Variants in CNKSR3 observed in about 807,000 individuals in gnomAD.
CNKSR3 encodes the protein connector enhancer of kinase suppressor of ras 3.
Under a neutral mutation model 67.7 loss-of-function variants are expected in CNKSR3, and 36 were observed. The observed-to-expected ratio is 0.53, with a 90% confidence interval of 0.41 to 0.70. CNKSR3 has a LOEUF of 0.70. CNKSR3 is among the 30% of genes least tolerant of loss of function. CNKSR3 has a pLI of 0.00. For synonymous variants in CNKSR3, 281 were observed against 271.4 expected, an observed-to-expected ratio of 1.04 and a Z score of -0.35; for missense variants, 630 against 695.2, an observed-to-expected ratio of 0.91 and a Z score of 1.05.
chr6:154,421,299 C>T (rs1785138742), intron 9 of CNKSR3, among the ~76,000 whole-genome samples: 1 of 152,228 alleles, frequency 6.6e-6, no homozygotes, highest in Admixed American at 6.5e-5. Flanking sequence ...CCGGCGTGAG[C>T]CACCACACTC....
At position 154,400,874 on chromosome 6, in the gene CNKSR3, A is replaced by C. The variant is rs1262713633; in HGVS notation, c.*5480T>G. ...ATTGTGAAATTTCCAAATAATTAAA[A>C]GGTAAATTTTACAGTAAAGAGACTA... On this transcript the variant is annotated 3_prime_UTR_variant, in exon 13 of 13. Coordinates refer to ENST00000607772, the MANE Select transcript of CNKSR3 (RefSeq NM_173515.4). The C allele has an allele frequency of 6.6e-6, 1 of 152,252 alleles. No individual in the cohort carries two copies. The highest frequency in any genetic ancestry group is 1.5e-5 in the Non-Finnish European group (1 of 68,040). 9.4% of individuals were successfully genotyped at this position (152,252 alleles called of 1,614,324 possible). A position where few individuals can be genotyped will look rare whatever the true frequency, so the allele number is the denominator to read the frequency against.
intron 1 of CNKSR3, among the ~76,000 whole-genome samples, chr6:154,462,984 T>A (rs1786113703): frequency 6.6e-6 from 1 of 152,186 alleles, no homozygotes; most frequent in African/African-American, 2.4e-5. Context: ...AAAGTCCAGC[T>A]GAGGTTGAAG....
In CNKSR3 at chr6:154,414,351, C is replaced by G; in HGVS notation, c.1018G>C (p.Ala340Pro). Reference sequence around the variant, plus strand: ...GGAGGAATATAAAGATCCAGGATGGCTGACTTCTCCTTCTTCAGTGAGGTA... The same window carrying G: ...GGAGGAATATAAAGATCCAGGATGGGTGACTTCTCCTTCTTCAGTGAGGTA... ...MDTSLKKEKS[A>P]ILDLYIPPPP... Residue 340 changes from alanine (A) to proline (P), a missense_variant, in exon 10 of 13, where the codon GCC becomes CCC. By Grantham distance (27) the Ala-to-Pro change is conservative. Transcript: ENST00000607772. 6.2e-7 allele frequency: 1 copy of G among 1,612,106 alleles called. No individual in the cohort carries two copies. Among genetic ancestry groups the G allele is most frequent in the Non-Finnish European group, 8.5e-7 (1 of 1,179,284 alleles).
intron 1 of CNKSR3, among the ~76,000 whole-genome samples, chr6:154,480,550 C>A (rs751909028): frequency 6.6e-6 from 1 of 152,076 alleles, no homozygotes; most frequent in Non-Finnish European, 1.5e-5. Context: ...ATTCTCCATG[C>A]GATTAAATTA....
At chr6:154,461,895 A>G (rs1317966729) in intron 1 of CNKSR3, among the ~76,000 whole-genome samples, 1 of 152,142 alleles carries the variant, frequency 6.6e-6, no homozygotes, top group Non-Finnish European at 1.5e-5. Flanking sequence ...CAGGAATCTC[A>G]TATTATCCGC....
chr6:154,480,010 G>A (rs1449130338), intron 1 of CNKSR3, among the ~76,000 whole-genome samples: 2 of 152,194 alleles, frequency 1.3e-5, no homozygotes, highest in African/African-American at 4.8e-5. Flanking sequence ...ATAAATCACA[G>A]AATGGCTGTA....
chr6:154,505,718 T>A (rs6911221), intron 1 of CNKSR3, among the ~76,000 whole-genome samples: 32,547 of 149,328 alleles, frequency 0.22, 4,553 homozygotes, highest in East Asian at 0.55. Flanking sequence ...GTCAGGATGG[T>A]CTCGATCTCC....
At chr6:154,474,710 T>G (rs1253021497) in intron 1 of CNKSR3, among the ~76,000 whole-genome samples, 1 of 151,884 alleles carries the variant, frequency 6.6e-6, no homozygotes, top group Non-Finnish European at 1.5e-5. Context: ...GAGAAAGAAA[T>G]GGACAGGATG....
Position 154,510,181 on chromosome 6 carries a change from T to C in CNKSR3, c.-67A>G. The C allele has an allele frequency of 6.3e-7, 1 of 1,588,854 alleles. No homozygotes were observed. Among genetic ancestry groups the C allele is most frequent in the South Asian group, 1.1e-5 (1 of 90,496 alleles). The stretch of plus-strand genomic sequence containing the variant: ...TAAAGTGCTGCTGCCTGCGCTCCGG[T>C]GCCCCTTCCCGGGAGGGCGCGCCCG... On this transcript the variant is annotated 5_prime_UTR_variant, in exon 1 of 13. Transcript: ENST00000607772.
At position 154,388,502 on chromosome 6, in the gene CNKSR3, G is replaced by A. The variant is rs1487925212; in HGVS notation, c.*17852C>T. Reference sequence around the variant, plus strand: ...AATGCTAATACCTCTTTGGGATCCTGATTTCAATTTTTTTGGATAAATATC... The same window carrying A: ...AATGCTAATACCTCTTTGGGATCCTAATTTCAATTTTTTTGGATAAATATC... On this transcript the variant is annotated 3_prime_UTR_variant, in exon 13 of 13. Coordinates refer to ENST00000607772, the MANE Select transcript of CNKSR3 (RefSeq NM_173515.4). 1 of 152,146 alleles carries A rather than the reference G, an allele frequency of 6.6e-6. No homozygotes were observed. The highest frequency in any genetic ancestry group is 1.5e-5 in the Non-Finnish European group (1 of 68,018). 9.4% of individuals were successfully genotyped at this position (152,146 alleles called of 1,614,324 possible). A position where few individuals can be genotyped will look rare whatever the true frequency, so the allele number is the denominator to read the frequency against.
At chr6:154,504,948 T>C (rs1582908901) in intron 1 of CNKSR3, among the ~76,000 whole-genome samples, 1 of 151,658 alleles carries the variant, frequency 6.6e-6, no homozygotes, top group African/African-American at 2.4e-5. Flanking sequence ...GTTTTTCTGT[T>C]ATTAAGAGAA....
At chr6:154,469,467 A>G (rs1017462622) in intron 1 of CNKSR3, among the ~76,000 whole-genome samples, 1 of 152,202 alleles carries the variant, frequency 6.6e-6, no homozygotes, top group Non-Finnish European at 1.5e-5. Flanking sequence ...GTCAGCCTAC[A>G]ATAGGATTTT....
intron 4 of CNKSR3, among the ~76,000 whole-genome samples, chr6:154,437,477 G>A (rs888768441): frequency 2.0e-4 from 29 of 147,478 alleles, no homozygotes; most frequent in African/African-American, 7.1e-4. Context: ...GAAGTGGCGC[G>A]ATCTTGGCTG....
At chr6:154,458,898 A>G (rs1786016756) in intron 1 of CNKSR3, among the ~76,000 whole-genome samples, 1 of 152,142 alleles carries the variant, frequency 6.6e-6, no homozygotes, top group African/African-American at 2.4e-5. Context: ...CTGGATTGGA[A>G]AGCTGCCGTG....
intron 1 of CNKSR3, among the ~76,000 whole-genome samples, chr6:154,461,409 T>C (rs555967283): frequency 6.6e-6 from 1 of 152,326 alleles, no homozygotes; most frequent in East Asian, 1.9e-4. Context: ...AATTTATAGT[T>C]GCTGTTCAAG....
chr6:154,444,308 G>A (rs148397632), intron 2 of CNKSR3, among the ~76,000 whole-genome samples: 5 of 152,230 alleles, frequency 3.3e-5, no homozygotes, highest in East Asian at 1.9e-4. Flanking sequence ...CTAATTTGCC[G>A]GTAAGGAAAC....
At chr6:154,497,440 GCTCACTGCTGCCTCC>G (rs760027119) in intron 1 of CNKSR3, among the ~76,000 whole-genome samples, 2 of 152,118 alleles carry the variant, frequency 1.3e-5, no homozygotes, top group Admixed American at 6.5e-5. Flanking sequence ...CATGTCAGCT[GCTCACTGCTGCCTCC>G]CTACTAAATT....
intron 1 of CNKSR3, among the ~76,000 whole-genome samples, chr6:154,487,246 G>GA (rs201823294): frequency 4.7e-4 from 72 of 152,292 alleles, no homozygotes; most frequent in African/African-American, 1.7e-3. Flanking sequence ...TGGAAGATGT[G>GA]ATTTTTTTTT....
At chr6:154,489,253 G>T (rs1786735392) in intron 1 of CNKSR3, among the ~76,000 whole-genome samples, 5 of 152,128 alleles carry the variant, frequency 3.3e-5, no homozygotes, top group Admixed American at 3.3e-4. Flanking sequence ...TATTGCTGCT[G>T]GGCACGATGA....
Sources: gnomAD v4.1 joint callset for allele counts (sites outside exome capture counted in the v4.1 genomes callset) on GRCh38, gnomAD v4.1.1 for gene constraint, MANE v1.5 for transcripts, NCBI Gene and HGNC (gene_info 2026-07-23, HGNC 2026-07-21) for gene names.